KAT2A: variants seen among roughly 807,000 people sequenced by gnomAD.
KAT2A encodes lysine acetyltransferase 2A.
KAT2A carries 42 observed loss-of-function variants against 95.2 expected under a neutral mutation model. That is an observed-to-expected ratio of 0.44 (90% confidence interval 0.34 to 0.57). The LOEUF (loss-of-function observed/expected upper bound fraction) is 0.57. Among genes scored for constraint, KAT2A ranks in the 20% least tolerant of loss-of-function variants. KAT2A has a pLI of 0.01. For missense variants in KAT2A, 784 were observed against 1,126.3 expected (o/e 0.70, Z 4.35); for synonymous variants, 449 against 448.2 (o/e 1.00, Z -0.02).
At chr17:42,113,922 G>A (rs537515977) in intron 17 of KAT2A, 78 bp downstream of exon 17, 59 of 1,475,524 alleles carry the variant, frequency 4.0e-5, no homozygotes, top group South Asian at 1.9e-4. Flanking sequence ...GGCCCCCTGG[G>A]GCTGCAGGGC....
At position 42,117,968 on chromosome 17, in the gene KAT2A, G is replaced by A; in HGVS notation, c.1230C>T (p.Ser410=). 1 of 1,608,752 alleles carries A rather than the reference G, an allele frequency of 6.2e-7. No homozygotes were observed. Among genetic ancestry groups the A allele is most frequent in the Non-Finnish European group, 8.5e-7 (1 of 1,176,480 alleles). Residue 410 remains serine (S), a synonymous_variant, in exon 8 of 18, where the codon AGC becomes AGT. Transcript: ENST00000225916. The surrounding 1 kb of genome is among the most constrained non-coding windows in gnomAD (Gnocchi z 8.9). ...GGGAGCTGTTGCTGCCCCCACCCAT[G>A]CTGGGGCTGAAGATGGGGGTGCTGG... ...VVPSTPIFSP[S]MGGGSNSSLS... is the part of the protein sequence containing the mutation.
rs781887270 is a variant in KAT2A at position 42,114,967 on chromosome 17, C to T, written c.1944G>A (p.Ala648=). 11 of 1,613,874 alleles carry T rather than the reference C, an allele frequency of 6.8e-6. No homozygotes were observed. Among genetic ancestry groups the T allele is most frequent in the East Asian group, 6.7e-5 (3 of 44,898 alleles). The change falls in exon 13 of 18, where the codon GCG becomes GCA. Residue 648 remains alanine (A), a synonymous_variant. Transcript: ENST00000225916. The surrounding 1 kb of genome is among the most constrained non-coding windows in gnomAD (Gnocchi z 6.0). ...YLGYIKDYEG[A]TLMECELNPR... is the part of the protein sequence containing the mutation. Reference sequence around the variant, plus strand: ...GATTCAGCTCACACTCCATCAGCGTCGCTCCCTCGTAGTCCTTGATGTAGC... The same window carrying T: ...GATTCAGCTCACACTCCATCAGCGTTGCTCCCTCGTAGTCCTTGATGTAGC...
chr17:42,120,011 T>C lies in KAT2A; in HGVS notation c.699+19A>G. 1 of 1,601,138 alleles carries C rather than the reference T, an allele frequency of 6.2e-7. No homozygotes were observed. Among genetic ancestry groups the C allele is most frequent in the Non-Finnish European group, 8.6e-7 (1 of 1,168,864 alleles). ...GTCCCCAATTCTCCTATCCGCTATC[T>C]CCAATTCCCCTATCTCACCTGCTCA... On this transcript the variant is annotated intron_variant, in intron 4 of 17. Transcript: ENST00000225916.
intron 3 of KAT2A, 36 bp downstream of exon 3, chr17:42,120,189 C>T: frequency 6.2e-7 from 1 of 1,614,008 alleles, no homozygotes; most frequent in South Asian, 1.1e-5. Context: ...AAGGCCCCAC[C>T]TCCTTCACTC....
rs1555665395 is a variant in KAT2A, at chr17:42,114,097, G to A, written c.2236-13C>T. On this transcript the variant is annotated splice_polypyrimidine_tract_variant and intron_variant, in intron 16 of 17. Transcript: ENST00000225916. This position sits in a 1 kb window ranked among gnomAD's most constrained non-coding sequence, Gnocchi z 6.0. ...CACTGGGGTGAGACTGGAGAGAAGA[G>A]CCGGGCTGGGGACAGCCCTGCTGCG... 2 of 1,554,302 alleles carry A rather than the reference G, an allele frequency of 1.3e-6. No homozygotes were observed. Among genetic ancestry groups the A allele is most frequent in the East Asian group, 2.3e-5 (1 of 42,562 alleles).
At position 42,114,899 on chromosome 17, in the gene KAT2A, T is replaced by C; in HGVS notation, c.2012A>G (p.Gln671Arg). The part of the protein sequence containing the change: ...YTELSHIIKK[Q>R]KEIIKKLIER... ...CGCATGTGTGCACACCACCTCTTTC[T>C]GCTTCTTGATGATGTGGGACAGCTC... The change falls in exon 13 of 18, where the codon CAG (glutamine) becomes CGG (arginine). Residue 671 changes from glutamine (Q) to arginine (R), a missense_variant. Gln to Arg is a conservative substitution (Grantham distance 43, BLOSUM62 1). Around this residue, in one of 6 missense-constraint regions of KAT2A, gnomAD observed 195 missense variants for 247.1 expected, o/e 0.79. Transcript: ENST00000225916. This position sits in a 1 kb window ranked among gnomAD's most constrained non-coding sequence, Gnocchi z 6.0. The C allele has an allele frequency of 2.5e-6, 4 of 1,614,020 alleles. No individual in the cohort carries two copies. The highest frequency in any genetic ancestry group is 3.4e-6 in the Non-Finnish European group (4 of 1,179,942).
Position 42,114,469 on chromosome 17 carries a change from G to A in KAT2A, c.2134+21C>T. 1 of 1,612,876 alleles carries A rather than the reference G, an allele frequency of 6.2e-7. No individual in the cohort carries two copies. Among genetic ancestry groups the A allele is most frequent in the Non-Finnish European group, 8.5e-7 (1 of 1,178,860 alleles). On this transcript the variant is annotated intron_variant, in intron 14 of 17. Coordinates refer to ENST00000225916, the MANE Select transcript of KAT2A (RefSeq NM_021078.3). This position sits in a 1 kb window ranked among gnomAD's most constrained non-coding sequence, Gnocchi z 6.0. ...CCAAGCATCGTGCCCCCACTACCCT[G>A]CAACTGAGACCCCTGCTTACGAATG...
chr17:42,117,748 T>C lies in KAT2A; in HGVS notation c.1358A>G (p.Asp453Gly). ...CTCATTGACCAGCTCCATGGGGATGTCACCCATCACACGGAGCCGCTTGGC... is the reference window on the plus strand; with the variant it reads ...CTCATTGACCAGCTCCATGGGGATGCCACCCATCACACGGAGCCGCTTGGC... Reference protein sequence around the residue: ...EDAKRLRVMGDIPMELVNEVM... With the variant: ...EDAKRLRVMGGIPMELVNEVM... Residue 453 changes from aspartate to glycine, a missense_variant, in exon 9 of 18, where the codon GAC becomes GGC. Physicochemically the swap from Asp to Gly is moderately conservative, Grantham distance 94. Transcript: ENST00000225916. This position sits in a 1 kb window ranked among gnomAD's most constrained non-coding sequence, Gnocchi z 8.9. 1 of 1,613,910 alleles carries C rather than the reference T, an allele frequency of 6.2e-7. No homozygotes were observed. Among genetic ancestry groups the C allele is most frequent in the Non-Finnish European group, 8.5e-7 (1 of 1,179,858 alleles).
chr17:42,116,390 G>A (rs1278491255), intron 11 of KAT2A, among the ~76,000 whole-genome samples: 1 of 152,234 alleles, frequency 6.6e-6, no homozygotes, highest in Non-Finnish European at 1.5e-5. Flanking sequence ...ACAAAGGACA[G>A]AAGCCAAAAC....
chr17:42,115,672 T>C (rs1555665825), intron 12 of KAT2A, 51 bp downstream of exon 12: 3 of 1,183,274 alleles, frequency 2.5e-6, no homozygotes, highest in Non-Finnish European at 3.8e-6. Context: ...CTGGACAGAA[T>C]TACCCCAGCC....
rs2054311303 is a variant in KAT2A at position 42,119,875 on chromosome 17, A to C, written c.699+155T>G. On this transcript the variant is annotated intron_variant, in intron 4 of 17. Transcript: ENST00000225916. This position sits in a 1 kb window ranked among gnomAD's most constrained non-coding sequence, Gnocchi z 5.3. ...TATAGAAAAGCTCTGCCCCCTCCCT[A>C]CCACCATGCCCACCCTGAGGTTAGC... Among the ~76,000 whole-genome samples, 1 of 151,788 alleles carries C rather than the reference A, an allele frequency of 6.6e-6. No homozygotes were observed. The highest frequency in any genetic ancestry group is 2.4e-5 in the African/African-American group (1 of 41,296).
Position 42,113,562 on chromosome 17 carries a change from G to A in KAT2A, c.*87C>T. The A allele has an allele frequency of 7.5e-7, 1 of 1,330,112 alleles. No homozygotes were observed. The highest frequency in any genetic ancestry group is 1.0e-6 in the Non-Finnish European group (1 of 964,152). 82.4% of individuals were successfully genotyped at this position (1,330,112 alleles called of 1,614,324 possible). On this transcript the variant is annotated 3_prime_UTR_variant, in exon 18 of 18. Coordinates refer to ENST00000225916, the MANE Select transcript of KAT2A (RefSeq NM_021078.3). ...GCTGGAGTGTCTCAAGCTGAGTCGG[G>A]TCCGTGGGGCCAGGGCACCCCCTAA...
rs1568010000 is a variant in KAT2A at position 42,115,000 on chromosome 17, G to T, written c.1911C>A (p.Arg637=). The part of the protein sequence containing the change: ...FSKDIKVPKS[R]YLGYIKDYEG... ...CGTAGTCCTTGATGTAGCCCAGGTA[G>T]CGGCTCTTGGGCACCTTGATGTCCT... is the stretch of plus-strand genomic sequence containing the variant. The change falls in exon 13 of 18, where the codon CGC becomes CGA. Residue 637 remains arginine, a synonymous_variant. Transcript: ENST00000225916. The surrounding 1 kb of genome is among the most constrained non-coding windows in gnomAD (Gnocchi z 6.0). The T allele has an allele frequency of 6.2e-7, 1 of 1,614,002 alleles. No individual in the cohort carries two copies. The highest frequency in any genetic ancestry group is 2.2e-5 in the East Asian group (1 of 44,888).
chr17:42,121,090 C>A lies in KAT2A; in HGVS notation c.215G>T (p.Ser72Ile), dbSNP rs1555667240. Residue 72 changes from serine to isoleucine, a missense_variant, in exon 1 of 18, where the codon AGC becomes ATC. Coordinates refer to ENST00000225916, the MANE Select transcript of KAT2A (RefSeq NM_021078.3). ...GCCAGGTCGAGCCGGATCCCCCCCG[C>A]TCCCGGCCCCCCCACTTCCTACCCC... ...GPGVGSGGAG[S>I]GGDPARPGLS... is the part of the protein sequence containing the mutation. 6.5e-7 allele frequency: 1 copy of A among 1,545,382 alleles called. No homozygotes were observed. Among genetic ancestry groups the A allele is most frequent in the Non-Finnish European group, 8.7e-7 (1 of 1,147,884 alleles).
In KAT2A at chr17:42,118,288, G is replaced by C. The variant is rs2054291506; in HGVS notation, c.1180+9C>G. The stretch of plus-strand genomic sequence containing the variant: ...CCAGACACCCTACAGAGCGTACCAT[G>C]GCACATACCTGGCCGGGGAACCAGC... On this transcript the variant is annotated intron_variant, in intron 7 of 17. Coordinates refer to ENST00000225916, the MANE Select transcript of KAT2A (RefSeq NM_021078.3). The C allele has an allele frequency of 5.0e-6, 8 of 1,586,980 alleles. No homozygotes were observed. The highest frequency in any genetic ancestry group is 6.9e-6 in the Non-Finnish European group (8 of 1,155,522).
intron 12 of KAT2A, among the ~76,000 whole-genome samples, 184 bp downstream of exon 12, chr17:42,115,539 C>T (rs191356084): frequency 6.6e-6 from 1 of 151,944 alleles, no homozygotes; most frequent in Non-Finnish European, 1.5e-5. Flanking sequence ...ACTGGCCCCA[C>T]AGGCCCTCAT....
In KAT2A at chr17:42,113,676, G is replaced by A. The variant is rs1555665134; in HGVS notation, c.2487C>T (p.Leu829=). ...SALEKFFYFK[L]KEGGLIDK Reference sequence around the variant, plus strand: ...ACTTGTCAATGAGGCCTCCCTCCTTGAGCTTGAAGTAGAAGAACTTCTCCA... The same window carrying A: ...ACTTGTCAATGAGGCCTCCCTCCTTAAGCTTGAAGTAGAAGAACTTCTCCA... The change falls in exon 18 of 18, where the codon CTC becomes CTT. Residue 829 remains leucine, a synonymous_variant. Coordinates refer to ENST00000225916, the MANE Select transcript of KAT2A (RefSeq NM_021078.3). 6.2e-7 allele frequency: 1 copy of A among 1,611,030 alleles called. No individual in the cohort carries two copies. Among genetic ancestry groups the A allele is most frequent in the South Asian group, 1.1e-5 (1 of 90,834 alleles).
Position 42,120,207 on chromosome 17 carries a change from C to T in KAT2A, c.609+18G>A. 1 of 1,614,148 alleles carries T rather than the reference C, an allele frequency of 6.2e-7. No homozygotes were observed. The highest frequency in any genetic ancestry group is 8.5e-7 in the Non-Finnish European group (1 of 1,179,984). Reference sequence around the variant, plus strand: ...GCCCCACCTCCTTCACTCACACCCTCCTTTAGTGGAAGCTCACCTTGAAGA... The same window carrying T: ...GCCCCACCTCCTTCACTCACACCCTTCTTTAGTGGAAGCTCACCTTGAAGA... On this transcript the variant is annotated intron_variant, in intron 3 of 17. Transcript: ENST00000225916.
rs1555665640 is a variant in KAT2A at position 42,114,877 on chromosome 17, A to G, written c.2019+15T>C. 1.2e-6 allele frequency: 2 copies of G among 1,613,642 alleles called. No homozygotes were observed. Among genetic ancestry groups the G allele is most frequent in the South Asian group, 2.2e-5 (2 of 91,052 alleles). The stretch of plus-strand genomic sequence containing the variant: ...TTCATGAAAAATCCCACAGATGCGC[A>G]TGTGTGCACACCACCTCTTTCTGCT... On this transcript the variant is annotated intron_variant, in intron 13 of 17. Transcript: ENST00000225916. The surrounding 1 kb of genome is among the most constrained non-coding windows in gnomAD (Gnocchi z 6.0).
Sources: allele counts gnomAD v4.1 joint callset (sites outside exome capture counted in the v4.1 genomes callset), GRCh38; gene constraint gnomAD v4.1.1; regional missense constraint gnomAD v4.1.1; non-coding constraint Gnocchi (gnomAD v3.1); transcripts MANE v1.5; gene names NCBI Gene and HGNC (gene_info 2026-07-23, HGNC 2026-07-21).